LRIG1: variants seen among roughly 807,000 people sequenced by gnomAD.
LRIG1 encodes the protein leucine rich repeats and immunoglobulin like domains 1, also known as leucine-rich repeats and immunoglobulin-like domains protein 1.
A neutral mutation model predicts 99.2 loss-of-function variants in LRIG1; 48 were observed. The ratio of observed to expected loss-of-function variants is 0.48; its 90% confidence interval spans 0.38 to 0.62. LRIG1 has a LOEUF of 0.62. Among genes scored for constraint, LRIG1 ranks in the 20% least tolerant of loss-of-function variants. The probability of loss-of-function intolerance (pLI) is 0.00; values close to 1 mark genes in which losing one functional copy is unlikely to be tolerated. For missense variants in LRIG1, 1,646 were observed against 1,434.4 expected, an observed-to-expected ratio of 1.15 and a Z score of -2.38; for synonymous variants, 772 against 596.1, an observed-to-expected ratio of 1.29 and a Z score of -4.30.
intron 3 of LRIG1, among the ~76,000 whole-genome samples, chr3:66,428,234 T>C (rs1329640864): frequency 1.3e-5 from 2 of 152,162 alleles, no homozygotes; most frequent in Non-Finnish European, 2.9e-5. Flanking sequence ...TAGTTTTCTT[T>C]TAAATCAAGT....
rs151237960 is a variant in LRIG1 at position 66,410,216 on chromosome 3, G to T, written c.848C>A (p.Thr283Lys). 2 of 1,614,054 alleles carry T rather than the reference G, an allele frequency of 1.2e-6. No individual in the cohort carries two copies. The highest frequency in any genetic ancestry group is 1.3e-5 in the African/African-American group (1 of 75,068). ...GCTGAGGTGGAGCTGATGCAGGGCC[G>T]TGAGGCCGTAGAGCGAGCCGCTGTT... ...EVNSGSLYGL[T>K]ALHQLHLSNN... Residue 283 changes from threonine (T) to lysine (K), a missense_variant, in exon 7 of 19, where the codon ACG (threonine) becomes AAG (lysine). Coordinates refer to ENST00000273261, the MANE Select transcript of LRIG1 (RefSeq NM_015541.3).
intron 9 of LRIG1, among the ~76,000 whole-genome samples, chr3:66,404,718 C>T (rs1702198208): frequency 6.6e-6 from 1 of 152,054 alleles, no homozygotes; most frequent in Admixed American, 6.6e-5. Flanking sequence ...AGAAAAAGAC[C>T]CCAAACCATA....
intron 6 of LRIG1, among the ~76,000 whole-genome samples, 163 bp downstream of exon 6, chr3:66,412,706 GCA>G (rs989069153): frequency 3.3e-5 from 5 of 151,792 alleles, no homozygotes; most frequent in Admixed American, 2.0e-4. Context: ...ACACGCGCAC[GCA>G]CACACACCCC....
chr3:66,383,820 T>C (rs368073730), intron 14 of LRIG1, among the ~76,000 whole-genome samples, 171 bp downstream of exon 14: 3 of 152,258 alleles, frequency 2.0e-5, no homozygotes, highest in Admixed American at 6.5e-5. Context: ...TTTAAAGAGA[T>C]AGAAACACTT....
chr3:66,391,483 G>T (rs892916998), intron 12 of LRIG1, among the ~76,000 whole-genome samples: 17 of 152,152 alleles, frequency 1.1e-4, no homozygotes, highest in African/African-American at 3.4e-4. Context: ...ACTGATACAT[G>T]CTTAAAAATT....
At chr3:66,438,439 T>G (rs951097114) in intron 3 of LRIG1, among the ~76,000 whole-genome samples, 5 of 152,156 alleles carry the variant, frequency 3.3e-5, no homozygotes, top group African/African-American at 1.2e-4. Flanking sequence ...TGAGTATGGT[T>G]GATACTGAAC....
intron 12 of LRIG1, among the ~76,000 whole-genome samples, chr3:66,392,988 C>T (rs376034814): frequency 9.9e-5 from 15 of 152,180 alleles, no homozygotes; most frequent in South Asian, 2.1e-4. Flanking sequence ...GGGTTTAAGA[C>T]GTGTCCCTGG....
intron 3 of LRIG1, among the ~76,000 whole-genome samples, chr3:66,427,192 T>C (rs1703011204): frequency 6.6e-6 from 1 of 152,202 alleles, no homozygotes; most frequent in Non-Finnish European, 1.5e-5. Flanking sequence ...ACTGGAATTC[T>C]TACCAAGGCT....
At position 66,380,850 on chromosome 3, in the gene LRIG1, G is replaced by A. The variant is rs375884681; in HGVS notation, c.2782C>T (p.Arg928Trp). ...GTGTTGCAGTCACTGCATACGACCC[G>A]GCCACCGTGTTCTGAAGGACAGCGC... ...PGPHKMEHGG[R>W]VVCSDCNTEV... is the part of the protein sequence containing the mutation. Residue 928 changes from arginine (R) to tryptophan (W), a missense_variant, in exon 18 of 19, where the codon CGG (arginine) becomes TGG (tryptophan). Transcript: ENST00000273261. The A allele has an allele frequency of 5.2e-5, 84 of 1,613,748 alleles. No individual in the cohort carries two copies. The highest frequency in any genetic ancestry group is 2.3e-4 in the Admixed American group (14 of 60,002).
At chr3:66,417,338 C>G in intron 3 of LRIG1, 72 bp from the exon 4 acceptor site, 1 of 1,461,350 alleles carries the variant, frequency 6.8e-7, no homozygotes, top group South Asian at 1.2e-5. Context: ...AGTATTCCTG[C>G]ACCCCACCCC....
chr3:66,467,025 C>G (rs1324697815), intron 1 of LRIG1, among the ~76,000 whole-genome samples: 2 of 152,248 alleles, frequency 1.3e-5, no homozygotes, highest in Admixed American at 1.3e-4. Flanking sequence ...TTCAGCTAAT[C>G]TGCTGAAAGA....
chr3:66,394,258 C>T (rs1214881685), intron 11 of LRIG1, 55 bp from the exon 12 acceptor site: 32 of 1,440,940 alleles, frequency 2.2e-5, no homozygotes, highest in Non-Finnish European at 2.8e-6. Context: ...GAGGGACACT[C>T]CCTTCACACA....
At chr3:66,467,672 T>C (rs567999446) in intron 1 of LRIG1, among the ~76,000 whole-genome samples, 24 of 152,362 alleles carry the variant, frequency 1.6e-4, no homozygotes, top group African/African-American at 5.8e-4. Context: ...ACATTAGCTA[T>C]ATTTCAAGTG....
intron 3 of LRIG1, among the ~76,000 whole-genome samples, chr3:66,418,545 C>T (rs989629569): frequency 6.6e-6 from 1 of 152,194 alleles, no homozygotes; most frequent in Non-Finnish European, 1.5e-5. Flanking sequence ...ACCACTGCAG[C>T]CCTCACTCCA....
chr3:66,472,090 G>T (rs1255535835), intron 1 of LRIG1, among the ~76,000 whole-genome samples: 1 of 152,024 alleles, frequency 6.6e-6, no homozygotes, highest in African/African-American at 2.4e-5. Context: ...AGACCATGAG[G>T]TCAGGAGATC....
At chr3:66,400,905 G>A (rs1575661411) in intron 9 of LRIG1, among the ~76,000 whole-genome samples, 1 of 152,264 alleles carries the variant, frequency 6.6e-6, no homozygotes, top group African/African-American at 2.4e-5. Flanking sequence ...CAGAGCCAGA[G>A]GGAGGCACCA....
At chr3:66,381,311 T>C (rs536744565) in intron 17 of LRIG1, among the ~76,000 whole-genome samples, 168 bp downstream of exon 17, 1 of 152,146 alleles carries the variant, frequency 6.6e-6, no homozygotes, top group South Asian at 2.1e-4. Context: ...TAGGAGAAAC[T>C]ATCCTGGAAT....
chr3:66,469,665 A>T (rs1456616132), intron 1 of LRIG1, among the ~76,000 whole-genome samples: 1 of 152,206 alleles, frequency 6.6e-6, no homozygotes, highest in African/African-American at 2.4e-5. Flanking sequence ...CAAATGTCAA[A>T]TTTGACAAAT....
intron 9 of LRIG1, among the ~76,000 whole-genome samples, chr3:66,402,588 G>T (rs1330083819): frequency 2.0e-5 from 3 of 151,942 alleles, no homozygotes; most frequent in African/African-American, 7.3e-5. Context: ...GAGTAACTCA[G>T]CGAAGGCAGG....
Sources: gnomAD v4.1 joint callset for allele counts (sites outside exome capture counted in the v4.1 genomes callset) on GRCh38, gnomAD v4.1.1 for gene constraint, MANE v1.5 for transcripts, NCBI Gene and HGNC (gene_info 2026-07-23, HGNC 2026-07-21) for gene names.